SPAG16: variants seen among roughly 807,000 people sequenced by gnomAD.
SPAG16 encodes sperm associated antigen 16.
A neutral mutation model predicts 80.4 loss-of-function variants in SPAG16; 86 were observed. The observed-to-expected ratio is 1.07, with a 90% confidence interval of 0.90 to 1.28. SPAG16 has a LOEUF of 1.28. SPAG16 is among the 50% of genes most tolerant of loss of function. The pLI is 0.00. For synonymous variants in SPAG16, 294 were observed against 265.9 expected, an observed-to-expected ratio of 1.11 and a Z score of -1.03; for missense variants, 870 against 765.3, an observed-to-expected ratio of 1.14 and a Z score of -1.61.
chr2:213,360,311 G>T (rs1233767587), intron 7 of SPAG16, among the ~76,000 whole-genome samples: 1 of 152,200 alleles, frequency 6.6e-6, no homozygotes, highest in Non-Finnish European at 1.5e-5. Context: ...ACACAGGATT[G>T]ATGGAGCCAA....
At chr2:213,629,125 A>G (rs1359299592) in intron 10 of SPAG16, among the ~76,000 whole-genome samples, 1 of 152,254 alleles carries the variant, frequency 6.6e-6, no homozygotes, top group Non-Finnish European at 1.5e-5. Context: ...TTATTAAAAC[A>G]TCAACGAAGT....
chr2:213,622,946 G>C (rs1242265022), intron 10 of SPAG16, among the ~76,000 whole-genome samples: 1 of 152,112 alleles, frequency 6.6e-6, no homozygotes, highest in Non-Finnish European at 1.5e-5. Context: ...TCTTGGGTTA[G>C]GCACACATGG....
intron 15 of SPAG16, among the ~76,000 whole-genome samples, chr2:214,298,431 T>C (rs539382489): frequency 3.9e-5 from 6 of 152,222 alleles, no homozygotes; most frequent in Admixed American, 1.3e-4. Context: ...AGAAACTGTA[T>C]TTTTTTATGA....
rs572800072 is a variant in SPAG16 at position 214,119,777 on chromosome 2, T to G, written c.1593+11516T>G. 2.6e-5 allele frequency among the ~76,000 whole-genome samples: 4 copies of G among 152,196 alleles called. No individual in the cohort carries two copies. In the South Asian group the frequency reaches 8.3e-4, roughly 32 times the overall value. On this transcript the variant is annotated intron_variant, in intron 14 of 15. Coordinates refer to ENST00000331683, the MANE Select transcript of SPAG16 (RefSeq NM_024532.5). ...TTATCTTGCTAACGATAGTCTCTCATAGTTCTTTCAGGGAAAGTGTGTGGG... is the reference window on the plus strand; with the variant it reads ...TTATCTTGCTAACGATAGTCTCTCAGAGTTCTTTCAGGGAAAGTGTGTGGG...
At chr2:214,311,314 C>G (rs1040120644) in intron 15 of SPAG16, among the ~76,000 whole-genome samples, 2 of 152,088 alleles carry the variant, frequency 1.3e-5, no homozygotes, top group East Asian at 3.9e-4. Flanking sequence ...TTTTGAGGTT[C>G]CCTGGGTAGG....
At chr2:214,365,090 A>G (rs1576893113) in intron 15 of SPAG16, among the ~76,000 whole-genome samples, 1 of 152,142 alleles carries the variant, frequency 6.6e-6, no homozygotes, top group Non-Finnish European at 1.5e-5. Flanking sequence ...CTGCTAGAGG[A>G]TAAGGAAGAG....
chr2:214,161,598 C>A (rs1471465700), intron 15 of SPAG16, among the ~76,000 whole-genome samples: 1 of 151,922 alleles, frequency 6.6e-6, no homozygotes. Context: ...GCATGACTGT[C>A]TTTTTTGGGA....
intron 15 of SPAG16, among the ~76,000 whole-genome samples, chr2:214,279,343 C>T (rs540418576): frequency 6.6e-6 from 1 of 152,274 alleles, no homozygotes; most frequent in African/African-American, 2.4e-5. Context: ...GATCCGCCCT[C>T]CTCAACCTCT....
chr2:213,415,725 T>C (rs2069216038), intron 9 of SPAG16, among the ~76,000 whole-genome samples: 1 of 152,164 alleles, frequency 6.6e-6, no homozygotes. Context: ...ATATTATTAA[T>C]TGGTTTATGA....
At chr2:213,476,317 C>G (rs904579295) in intron 9 of SPAG16, among the ~76,000 whole-genome samples, 5 of 152,192 alleles carry the variant, frequency 3.3e-5, no homozygotes, top group African/African-American at 1.2e-4. Context: ...GAGGCATGGC[C>G]TTGGCCAGAT....
At chr2:213,897,735 G>A (rs2077052985) in intron 11 of SPAG16, among the ~76,000 whole-genome samples, 1 of 152,088 alleles carries the variant, frequency 6.6e-6, no homozygotes, top group Admixed American at 6.6e-5. Flanking sequence ...TCTAATTCCA[G>A]CTTCTGCTAT....
chr2:213,825,488 G>GT (rs1258781589), intron 10 of SPAG16, among the ~76,000 whole-genome samples: 2 of 151,820 alleles, frequency 1.3e-5, no homozygotes, highest in African/African-American at 2.4e-5. Flanking sequence ...TGATCATATG[G>GT]TTTTTTTCCT....
At chr2:213,589,180 T>C (rs1033682642) in intron 10 of SPAG16, among the ~76,000 whole-genome samples, 6 of 152,218 alleles carry the variant, frequency 3.9e-5, no homozygotes, top group African/African-American at 1.4e-4. Flanking sequence ...GTATGAAGTT[T>C]CCTCAGTTGT....
At chr2:213,924,287 G>A (rs944751491) in intron 11 of SPAG16, among the ~76,000 whole-genome samples, 1 of 152,226 alleles carries the variant, frequency 6.6e-6, no homozygotes, top group African/African-American at 2.4e-5. Context: ...TGGAAGCACA[G>A]CTGGGGGCCA....
At chr2:213,425,086 G>A (rs997059742) in intron 9 of SPAG16, among the ~76,000 whole-genome samples, 3 of 152,152 alleles carry the variant, frequency 2.0e-5, no homozygotes, top group Admixed American at 1.3e-4. Context: ...CACTTTAGGA[G>A]GCTGAGGTGG....
At chr2:213,669,064 C>T (rs1027157437) in intron 10 of SPAG16, among the ~76,000 whole-genome samples, 4 of 152,082 alleles carry the variant, frequency 2.6e-5, no homozygotes, top group African/African-American at 7.2e-5. Flanking sequence ...TTATGATTTT[C>T]GTATTTGCTT....
At chr2:213,814,352 T>C (rs1372991519) in intron 10 of SPAG16, among the ~76,000 whole-genome samples, 1 of 152,214 alleles carries the variant, frequency 6.6e-6, no homozygotes, top group Non-Finnish European at 1.5e-5. Flanking sequence ...CCAATTTAAA[T>C]GTTAATTACA....
At chr2:213,940,371 G>T (rs2079148411) in intron 12 of SPAG16, among the ~76,000 whole-genome samples, 1 of 152,062 alleles carries the variant, frequency 6.6e-6, no homozygotes, top group Admixed American at 6.6e-5. Flanking sequence ...ACTGTAGCCT[G>T]GAACTCTTGG....
At chr2:213,679,673 TA>T (rs2064281793) in intron 10 of SPAG16, among the ~76,000 whole-genome samples, 2 of 152,214 alleles carry the variant, frequency 1.3e-5, no homozygotes, top group Admixed American at 1.3e-4. Context: ...TTACCTTCAG[TA>T]AAAAGACTAT....
Sources: allele counts gnomAD v4.1 joint callset (sites outside exome capture counted in the v4.1 genomes callset), GRCh38; gene constraint gnomAD v4.1.1; transcripts MANE v1.5; gene names NCBI Gene and HGNC (gene_info 2026-07-23, HGNC 2026-07-21).